Variants in ANKRD6 observed in about 807,000 individuals in gnomAD.
ANKRD6 encodes ankyrin repeat domain-containing protein 6.
Under a neutral mutation model 82.3 loss-of-function variants are expected in ANKRD6, and 56 were observed. The ratio of observed to expected loss-of-function variants is 0.68; its 90% CI spans 0.55 to 0.85. The LOEUF (loss-of-function observed/expected upper bound fraction) is 0.85, where lower values mean the gene tolerates loss of function less well. Among genes scored for constraint, ANKRD6 ranks in the 40% least tolerant of loss-of-function variants. ANKRD6 has a pLI of 0.00. For missense variants in ANKRD6, 852 were observed against 907.6 expected (o/e 0.94, Z 0.79); for synonymous variants, 347 against 352.1 (o/e 0.99, Z 0.16).
chr6:89,600,509 A>G (rs998548671), intron 3 of ANKRD6, among the ~76,000 whole-genome samples: 4 of 152,146 alleles, frequency 2.6e-5, no homozygotes, highest in Non-Finnish European at 5.9e-5. Flanking sequence ...AAAGAGCACT[A>G]GAGTGTAAGT....
At chr6:89,590,047 G>A (rs550221716) in intron 2 of ANKRD6, among the ~76,000 whole-genome samples, 1 of 152,186 alleles carries the variant, frequency 6.6e-6, no homozygotes, top group Non-Finnish European at 1.5e-5. Flanking sequence ...GAGATGCACT[G>A]AAAATGATTG....
Position 89,623,877 on chromosome 6 carries a change from A to T in ANKRD6, c.1038A>T (p.Ser346=), listed in dbSNP as rs1804600679. 3 of 1,612,272 alleles carry T rather than the reference A, an allele frequency of 1.9e-6. No individual in the cohort carries two copies. The South Asian group carries it at 3.3e-5, about 18-fold the overall frequency. Residue 346 remains serine (S), a synonymous_variant, in exon 12 of 16, where the codon TCA becomes TCT. Coordinates refer to ENST00000339746, the MANE Select transcript of ANKRD6 (RefSeq NM_001242809.2). ...TGTCTCTTCCTCTCTTACAGGTGTC[A>T]GCATTTTCTGACCCCACCCCACCAG... ...DRRRKSRPKV[S]AFSDPTPPAD...
At chr6:89,485,392 C>T (rs1268384755) in intron 1 of ANKRD6, among the ~76,000 whole-genome samples, 2 of 152,188 alleles carry the variant, frequency 1.3e-5, no homozygotes, top group Admixed American at 1.3e-4. Flanking sequence ...CTACTGTAAG[C>T]ACAGAAAATA....
At position 89,627,620 on chromosome 6, in the gene ANKRD6, C is replaced by G. The variant is rs369677070; in HGVS notation, c.1409C>G (p.Ser470Cys). Reference sequence around the variant, plus strand: ...GACAAGCTGATGGTTGAGCGACTTTCTGCAGAGAGGACGGAGTGCCTGAAC... The same window carrying G: ...GACAAGCTGATGGTTGAGCGACTTTGTGCAGAGAGGACGGAGTGCCTGAAC... ...VLDKLMVERL[S>C]AERTECLNRL... The change falls in exon 14 of 16, where the codon TCT becomes TGT. Residue 470 changes from serine to cysteine, a missense_variant. Transcript: ENST00000339746. The G allele has an allele frequency of 6.2e-7, 1 of 1,613,870 alleles. No homozygotes were observed. Among genetic ancestry groups the G allele is most frequent in the South Asian group, 1.1e-5 (1 of 91,088 alleles).
intron 13 of ANKRD6, among the ~76,000 whole-genome samples, 157 bp downstream of exon 13, chr6:89,624,848 C>T (rs894258991): frequency 2.6e-5 from 4 of 152,188 alleles, no homozygotes; most frequent in Non-Finnish European, 4.4e-5. Flanking sequence ...TGTTAAAGTA[C>T]ATTTATTTCA....
chr6:89,496,924 A>G (rs555166290), intron 1 of ANKRD6, among the ~76,000 whole-genome samples: 2 of 152,328 alleles, frequency 1.3e-5, no homozygotes, highest in East Asian at 3.9e-4. Flanking sequence ...AGCATCTGAG[A>G]ATATTGATGA....
At chr6:89,459,479 T>A (rs1773874450) in intron 1 of ANKRD6, among the ~76,000 whole-genome samples, 1 of 152,196 alleles carries the variant, frequency 6.6e-6, no homozygotes, top group African/African-American at 2.4e-5. Context: ...ACTGAACTCT[T>A]GAATGTCCAT....
intron 3 of ANKRD6, among the ~76,000 whole-genome samples, chr6:89,597,509 C>A (rs1796173256): frequency 6.6e-6 from 1 of 152,226 alleles, no homozygotes; most frequent in African/African-American, 2.4e-5. Flanking sequence ...CAACTTGACA[C>A]CCCTGCCTCA....
chr6:89,608,776 C>G (rs1799460509), intron 5 of ANKRD6, among the ~76,000 whole-genome samples: 1 of 152,218 alleles, frequency 6.6e-6, no homozygotes, highest in Non-Finnish European at 1.5e-5. Flanking sequence ...ACCTGTTCCT[C>G]TTTCCATGCT....
intron 6 of ANKRD6, 119 bp from the exon 7 acceptor site, chr6:89,613,673 A>G: frequency 1.1e-6 from 1 of 903,778 alleles, no homozygotes; most frequent in Non-Finnish European, 1.7e-6. Context: ...AGAGCTGCTT[A>G]TGATTCCCTA....
At chr6:89,595,850 C>T (rs1795773674) in intron 2 of ANKRD6, 66 bp from the exon 3 acceptor site, 2 of 1,341,356 alleles carry the variant, frequency 1.5e-6, no homozygotes, top group Non-Finnish European at 2.1e-6. Flanking sequence ...GCTCTAGGCC[C>T]TCTGTCTCCC....
At chr6:89,579,187 A>G (rs1791864399) in intron 2 of ANKRD6, among the ~76,000 whole-genome samples, 1 of 152,248 alleles carries the variant, frequency 6.6e-6, no homozygotes, top group Non-Finnish European at 1.5e-5. Context: ...GTCTTGAGGA[A>G]ATAACTTTGT....
intron 1 of ANKRD6, among the ~76,000 whole-genome samples, chr6:89,470,407 C>T (rs1476028278): frequency 6.6e-6 from 1 of 152,042 alleles, no homozygotes; most frequent in Admixed American, 6.6e-5. Flanking sequence ...TCGCTTGAGC[C>T]CAGAAATTCA....
intron 3 of ANKRD6, chr6:89,598,393 G>C: frequency 1.0e-6 from 1 of 985,312 alleles, no homozygotes; most frequent in Non-Finnish European, 1.2e-6. Context: ...CAGAGGGAAG[G>C]TTAGGAAGGA....
At chr6:89,450,855 A>G (rs1315623928) in intron 1 of ANKRD6, among the ~76,000 whole-genome samples, 1 of 152,184 alleles carries the variant, frequency 6.6e-6, no homozygotes, top group Non-Finnish European at 1.5e-5. Context: ...ACATAATACT[A>G]TGGTGTAGTA....
intron 1 of ANKRD6, among the ~76,000 whole-genome samples, chr6:89,437,224 A>G (rs1770759506): frequency 6.6e-6 from 1 of 152,110 alleles, no homozygotes. Flanking sequence ...AGGCCCCTTT[A>G]TTTGGATGTC....
chr6:89,593,070 T>A (rs548802683), intron 2 of ANKRD6, among the ~76,000 whole-genome samples: 140 of 152,224 alleles, frequency 9.2e-4, no homozygotes, highest in African/African-American at 3.2e-3. Flanking sequence ...TGAGACTCCA[T>A]CTCAATTTTT....
chr6:89,534,757 A>G (rs1220905194), intron 1 of ANKRD6, among the ~76,000 whole-genome samples: 3 of 152,232 alleles, frequency 2.0e-5, no homozygotes, highest in Non-Finnish European at 4.4e-5. Flanking sequence ...CAAGATGCAC[A>G]GAAGTAAATT....
At chr6:89,475,237 G>A (rs1385162435) in intron 1 of ANKRD6, among the ~76,000 whole-genome samples, 2 of 152,042 alleles carry the variant, frequency 1.3e-5, no homozygotes, top group African/African-American at 2.4e-5. Flanking sequence ...ACAAACCCAA[G>A]GAGCCCAAAC....
Sources: allele counts gnomAD v4.1 joint callset (sites outside exome capture counted in the v4.1 genomes callset), GRCh38; gene constraint gnomAD v4.1.1; transcripts MANE v1.5; gene names NCBI Gene and HGNC (gene_info 2026-07-23, HGNC 2026-07-21).